Variants in IMPA2 observed in about 807,000 individuals in gnomAD.
IMPA2 encodes the protein inositol monophosphatase 2.
A neutral mutation model predicts 35.1 loss-of-function variants in IMPA2; 32 were observed. The ratio of observed to expected loss-of-function variants is 0.91; its 90% confidence interval spans 0.69 to 1.23. The LOEUF (loss-of-function observed/expected upper bound fraction) is 1.23, where lower values mean the gene tolerates loss of function less well. IMPA2 is among the 50% of genes most tolerant of loss of function. The pLI, the probability that IMPA2 is intolerant of heterozygous loss-of-function variation, is 0.00. For missense variants in IMPA2, 334 were observed against 387.6 expected (o/e 0.86, Z 1.16); for synonymous variants, 135 against 160.6 (o/e 0.84, Z 1.20).
intron 5 of IMPA2, among the ~76,000 whole-genome samples, chr18:12,020,286 T>C (rs1178691602): frequency 1.3e-5 from 2 of 151,812 alleles, no homozygotes; most frequent in Non-Finnish European, 2.9e-5. Context: ...CTCCACCTCC[T>C]GGGTTTAAGT....
chr18:12,028,646 G>C (rs1385210255), intron 6 of IMPA2, 196 bp from the exon 7 acceptor site: 3 of 628,608 alleles, frequency 4.8e-6, no homozygotes, highest in East Asian at 2.8e-5. Flanking sequence ...ATGGCACAAG[G>C]CATTTGCGTC....
chr18:12,030,354 G>C lies in IMPA2; in HGVS notation c.763G>C (p.Asp255His). The C allele has an allele frequency of 6.2e-7, 1 of 1,614,160 alleles. No individual in the cohort carries two copies. Among genetic ancestry groups the C allele is most frequent in the Non-Finnish European group, 8.5e-7 (1 of 1,179,990 alleles). The change falls in exon 8 of 8, where the codon GAC becomes CAC. Residue 255 changes from aspartate (D) to histidine (H), a missense_variant. Coordinates refer to ENST00000269159, the MANE Select transcript of IMPA2 (RefSeq NM_014214.3). ...IVIDTSGGPLDLMACRVVAAS... is the reference protein window; with the variant it reads ...IVIDTSGGPLHLMACRVVAAS... Reference sequence around the variant, plus strand: ...CTGTCTGTCCCCAGGTGGACCCCTCGACCTCATGGCTTGCAGAGTGGTTGC... The same window carrying C: ...CTGTCTGTCCCCAGGTGGACCCCTCCACCTCATGGCTTGCAGAGTGGTTGC...
chr18:12,025,155 T>C (rs769773884), intron 5 of IMPA2, among the ~76,000 whole-genome samples: 1 of 152,216 alleles, frequency 6.6e-6, no homozygotes, highest in Non-Finnish European at 1.5e-5. Context: ...GAGATTGGCT[T>C]CTTTCACCCA....
chr18:12,022,932 G>A (rs925063384), intron 5 of IMPA2, among the ~76,000 whole-genome samples: 6 of 141,294 alleles, frequency 4.2e-5, no homozygotes, highest in South Asian at 2.3e-4. Context: ...GTGCCACCAC[G>A]CCTGCCTAAT....
intron 2 of IMPA2, among the ~76,000 whole-genome samples, chr18:12,000,440 T>C (rs950968682): frequency 6.6e-6 from 1 of 151,444 alleles, no homozygotes; most frequent in African/African-American, 2.4e-5. Context: ...TCTAACTTGT[T>C]AGGTTATCTC....
chr18:11,985,305 C>T (rs542158427), intron 1 of IMPA2, among the ~76,000 whole-genome samples: 2 of 152,296 alleles, frequency 1.3e-5, no homozygotes, highest in Admixed American at 1.3e-4. Flanking sequence ...AATTCTTTCA[C>T]TGCTTCTCAT....
At chr18:11,998,387 C>T (rs938480644) in intron 1 of IMPA2, among the ~76,000 whole-genome samples, 2 of 152,198 alleles carry the variant, frequency 1.3e-5, no homozygotes. Context: ...GCTGCGGAGC[C>T]TGTGTCGGAG....
In IMPA2 at chr18:12,004,509, A is replaced by AT. The variant is rs571508159; in HGVS notation, c.230+5330dup. Among the ~76,000 whole-genome samples the AT allele has an allele frequency of 3.2e-3, 463 of 144,982 alleles. 3 individuals carry two copies. The highest frequency in any genetic ancestry group is 4.5e-3 in the Non-Finnish European group (301 of 66,280). ...TTTTTCCCTAAATTTAGTCATGTGCATTTTTTTTCCTATTTATATTGTGGG... is the reference window on the plus strand; with the variant it reads ...TTTTTCCCTAAATTTAGTCATGTGCATTTTTTTTTCCTATTTATATTGTGGG... On this transcript the variant is annotated intron_variant, in intron 2 of 7. Coordinates refer to ENST00000269159, the MANE Select transcript of IMPA2 (RefSeq NM_014214.3).
chr18:11,996,285 A>T (rs993238383), intron 1 of IMPA2, among the ~76,000 whole-genome samples: 1 of 152,148 alleles, frequency 6.6e-6, no homozygotes, highest in African/African-American at 2.4e-5. Flanking sequence ...TGGGATTTGG[A>T]GTTTCCCAAG....
chr18:12,013,928 T>C (rs1169870460), intron 4 of IMPA2, among the ~76,000 whole-genome samples: 1 of 152,262 alleles, frequency 6.6e-6, no homozygotes, highest in Non-Finnish European at 1.5e-5. Flanking sequence ...ACATTCTTTT[T>C]TTCAGCAACA....
chr18:11,984,030 T>C (rs1170543192), intron 1 of IMPA2, among the ~76,000 whole-genome samples: 1 of 152,154 alleles, frequency 6.6e-6, no homozygotes, highest in African/African-American at 2.4e-5. Context: ...TGTTGTTCGC[T>C]GCTCTCAGCT....
At chr18:12,019,876 A>T (rs972894471) in intron 5 of IMPA2, among the ~76,000 whole-genome samples, 20 of 150,060 alleles carry the variant, frequency 1.3e-4, no homozygotes, top group African/African-American at 3.9e-4. Flanking sequence ...TCAAAAAAAT[A>T]AAAAAATATA....
At chr18:12,002,719 C>T (rs1907145113) in intron 2 of IMPA2, among the ~76,000 whole-genome samples, 1 of 149,096 alleles carries the variant, frequency 6.7e-6, no homozygotes. Context: ...AGTTGTGATG[C>T]TGCCACTGCA....
intron 5 of IMPA2, among the ~76,000 whole-genome samples, chr18:12,022,375 T>C (rs1312487495): frequency 6.6e-6 from 1 of 151,058 alleles, no homozygotes; most frequent in Non-Finnish European, 1.5e-5. Flanking sequence ...CTATTAAAAA[T>C]ACAAAAAAAA....
At chr18:11,999,237 T>G (rs1907050909) in intron 2 of IMPA2, 50 bp downstream of exon 2, 2 of 1,570,856 alleles carry the variant, frequency 1.3e-6, no homozygotes, top group Non-Finnish European at 1.7e-6. Flanking sequence ...GCCACACTCA[T>G]AGAGAATGCA....
chr18:12,030,479 C>T lies in IMPA2; in HGVS notation c.*21C>T, dbSNP rs368957043. The T allele has an allele frequency of 7.7e-5, 123 of 1,591,686 alleles. No individual in the cohort carries two copies. The African/African-American group carries it at 1.4e-3, about 18-fold the overall frequency. ...AGTGACTGCGGCTGAGGCAAAGCTG[C>T]TCCCAAGGCCTCCCTGGGCTGCTGT... is the stretch of plus-strand genomic sequence containing the variant. On this transcript the variant is annotated 3_prime_UTR_variant, in exon 8 of 8. Transcript: ENST00000269159.
rs1036907751 is a variant in IMPA2 at position 12,029,960 on chromosome 18, G to A, written c.752-383G>A. Among the ~76,000 whole-genome samples the A allele has an allele frequency of 3.9e-5, 6 of 152,250 alleles. No homozygotes were observed. The East Asian group carries it at 1.2e-3, about 29-fold the overall frequency. ...CCCCACCCAGACCTGTTGAGGCAGA[G>A]CCTTGGTTTCACAAGCCCCTGGCTG... On this transcript the variant is annotated intron_variant, in intron 7 of 7. Coordinates refer to ENST00000269159, the MANE Select transcript of IMPA2 (RefSeq NM_014214.3).
At chr18:12,007,620 T>TC (rs1319683624) in intron 2 of IMPA2, among the ~76,000 whole-genome samples, 499 of 112,148 alleles carry the variant, frequency 4.4e-3, no homozygotes, top group African/African-American at 0.01. Flanking sequence ...CTTTCTTTCT[T>TC]TTTCTTTCTT....
At chr18:12,022,941 A>ATTTTTTTT (rs35737614) in intron 5 of IMPA2, among the ~76,000 whole-genome samples, 198 of 81,692 alleles carry the variant, frequency 2.4e-3, no homozygotes, top group African/African-American at 5.0e-3. Context: ...CGCCTGCCTA[A>ATTTTTTTT]TTTTTTTTTT....
Sources: allele counts gnomAD v4.1 joint callset (sites outside exome capture counted in the v4.1 genomes callset), GRCh38; gene constraint gnomAD v4.1.1; transcripts MANE v1.5; gene names NCBI Gene and HGNC (gene_info 2026-07-23, HGNC 2026-07-21).